The following GRID2 variants were observed in gnomAD, a reference collection of about 807,000 sequenced individuals.
GRID2 encodes the protein glutamate ionotropic receptor delta type subunit 2.
A neutral mutation model predicts 114.8 loss-of-function variants in GRID2; 33 were observed. The observed-to-expected ratio is 0.29, with a 90% CI of 0.22 to 0.38. The LOEUF is 0.38. Ranked by LOEUF, GRID2 falls within the 10% of genes least tolerant of loss-of-function variation. GRID2 has a pLI of 1.00. For missense variants in GRID2, 1,184 were observed against 1,257.7 expected (o/e 0.94, Z 0.89); for synonymous variants, 505 against 449.9 (o/e 1.12, Z -1.55).
At chr4:92,585,251 C>G (rs10856894) in intron 1 of GRID2, among the ~76,000 whole-genome samples, 57,640 of 151,602 alleles carry the variant, frequency 0.38, 10,956 homozygotes, top group Middle Eastern at 0.46. Flanking sequence ...AAAGAATCAT[C>G]TCTGTTGTTA....
intron 1 of GRID2, among the ~76,000 whole-genome samples, chr4:92,367,769 G>A (rs1222498626): frequency 2.0e-5 from 3 of 152,064 alleles, no homozygotes; most frequent in Admixed American, 2.0e-4. Context: ...AGGCCAGAAG[G>A]GGGCAGGTGA....
chr4:93,141,251 G>T (rs921340939), intron 4 of GRID2, among the ~76,000 whole-genome samples: 1 of 152,038 alleles, frequency 6.6e-6, no homozygotes, highest in East Asian at 1.9e-4. Flanking sequence ...GCTGATTTTA[G>T]ATTTAAAATT....
chr4:92,341,349 G>T (rs533147474), intron 1 of GRID2, among the ~76,000 whole-genome samples: 1 of 152,082 alleles, frequency 6.6e-6, no homozygotes, highest in Non-Finnish European at 1.5e-5. Context: ...TGCTAGTTTA[G>T]ATTCCTACAG....
chr4:93,629,279 A>G (rs1412767938), intron 14 of GRID2, among the ~76,000 whole-genome samples: 1 of 152,176 alleles, frequency 6.6e-6, no homozygotes, highest in East Asian at 1.9e-4. Context: ...TATGCAGTAC[A>G]GATGTTGGCA....
chr4:93,274,117 C>T (rs1247309331), intron 8 of GRID2, among the ~76,000 whole-genome samples: 8 of 151,976 alleles, frequency 5.3e-5, no homozygotes, highest in Admixed American at 1.3e-4. Context: ...CTGATGTTAT[C>T]GGAATATATT....
chr4:93,408,502 A>G (rs1766764287), intron 9 of GRID2, among the ~76,000 whole-genome samples: 1 of 152,170 alleles, frequency 6.6e-6, no homozygotes, highest in South Asian at 2.1e-4. Flanking sequence ...AAAATATAGC[A>G]ATAAAAATAT....
chr4:93,507,192 A>G (rs1352631492), intron 12 of GRID2, among the ~76,000 whole-genome samples: 1 of 152,168 alleles, frequency 6.6e-6, no homozygotes, highest in East Asian at 1.9e-4. Context: ...CACCTTGAAA[A>G]CATCAGGAGT....
intron 2 of GRID2, among the ~76,000 whole-genome samples, chr4:92,809,637 A>G (rs1336105140): frequency 6.6e-6 from 1 of 151,998 alleles, no homozygotes; most frequent in Non-Finnish European, 1.5e-5. Flanking sequence ...TTTGAAAAAT[A>G]GCATGAATAA....
chr4:92,527,912 T>C (rs1725123338), intron 1 of GRID2, among the ~76,000 whole-genome samples: 1 of 152,114 alleles, frequency 6.6e-6, no homozygotes, highest in African/African-American at 2.4e-5. Context: ...AATAATTCAT[T>C]ACAGGGTCCA....
chr4:93,669,706 G>C (rs1284280947), intron 14 of GRID2, among the ~76,000 whole-genome samples: 2 of 152,070 alleles, frequency 1.3e-5, no homozygotes, highest in Admixed American at 6.6e-5. Flanking sequence ...TTTTCAAAGA[G>C]ATGGATGGGG....
chr4:92,355,030 T>C (rs144184199), intron 1 of GRID2, among the ~76,000 whole-genome samples: 99 of 152,090 alleles, frequency 6.5e-4, no homozygotes, highest in African/African-American at 2.2e-3. Flanking sequence ...CAATAATCAA[T>C]TCAGATGTCA....
chr4:93,392,439 T>C (rs1387056497), intron 8 of GRID2, among the ~76,000 whole-genome samples: 1 of 152,152 alleles, frequency 6.6e-6, no homozygotes, highest in Non-Finnish European at 1.5e-5. Flanking sequence ...TAAGAAACAT[T>C]ACCAGTTGCA....
At chr4:93,521,302 G>T (rs2149498665) in intron 13 of GRID2, among the ~76,000 whole-genome samples, 1 of 152,216 alleles carries the variant, frequency 6.6e-6, no homozygotes, top group Admixed American at 6.5e-5. Context: ...GCTGGATGTG[G>T]TCACTGAGGA....
intron 2 of GRID2, among the ~76,000 whole-genome samples, chr4:92,954,722 G>A (rs1268019644): frequency 9.4e-5 from 13 of 138,356 alleles, no homozygotes; most frequent in African/African-American, 2.7e-4. Flanking sequence ...CCACTAACTC[G>A]TCATCTAGCA....
At chr4:92,551,599 C>T (rs141761833) in intron 1 of GRID2, among the ~76,000 whole-genome samples, 1 of 152,226 alleles carries the variant, frequency 6.6e-6, no homozygotes, top group East Asian at 1.9e-4. Context: ...ATGCAACAAA[C>T]ATTTATTAAG....
chr4:93,381,917 G>A (rs573275625), intron 8 of GRID2, among the ~76,000 whole-genome samples: 10 of 151,924 alleles, frequency 6.6e-5, no homozygotes, highest in East Asian at 3.9e-4. Flanking sequence ...TCACATTAAC[G>A]TTTCTTCCAG....
At chr4:93,411,415 A>AT (rs991544748) in intron 9 of GRID2, among the ~76,000 whole-genome samples, 1 of 150,204 alleles carries the variant, frequency 6.7e-6, no homozygotes, top group African/African-American at 2.5e-5. Flanking sequence ...GCAAATGAGT[A>AT]TTTTTAATTG....
rs1391742412 is a variant in GRID2, at chr4:92,713,193, G to A, written c.244+122907G>A. 2.6e-5 allele frequency among the ~76,000 whole-genome samples: 4 copies of A among 151,268 alleles called. No individual in the cohort carries two copies. In the East Asian group the frequency reaches 5.9e-4, roughly 22 times the overall value. On this transcript the variant is annotated intron_variant, in intron 2 of 15. Transcript: ENST00000282020. Reference sequence around the variant, plus strand: ...CCCGGTATGTGATGTTCATAGGTGGGAATTGAACAATGACTTGACTTTTTC... The same window carrying A: ...CCCGGTATGTGATGTTCATAGGTGGAAATTGAACAATGACTTGACTTTTTC...
chr4:93,665,472 G>A (rs1440543755), intron 14 of GRID2, among the ~76,000 whole-genome samples: 1 of 152,136 alleles, frequency 6.6e-6, no homozygotes, highest in Non-Finnish European at 1.5e-5. Flanking sequence ...ATTTTAAGAT[G>A]TGTCTTTTAT....
Sources: allele counts gnomAD v4.1 joint callset (sites outside exome capture counted in the v4.1 genomes callset), GRCh38; gene constraint gnomAD v4.1.1; transcripts MANE v1.5; gene names NCBI Gene and HGNC (gene_info 2026-07-23, HGNC 2026-07-21).